Variants in CPNE8 observed in about 807,000 individuals in gnomAD.
CPNE8 encodes copine-8.
In CPNE8, 45 loss-of-function variants were observed where a neutral mutation model predicts 81.5. The observed-to-expected ratio is 0.55, with a 90% CI of 0.44 to 0.71. CPNE8 has a LOEUF of 0.71. Ranked by LOEUF, CPNE8 falls within the 30% of genes least tolerant of loss-of-function variation. The pLI is 0.00. For missense variants in CPNE8, 594 were observed against 672.1 expected (o/e 0.88, Z 1.28); for synonymous variants, 252 against 226.3 (o/e 1.11, Z -1.02).
At chr12:38,817,611 A>ATTATT (rs1356590813) in intron 6 of CPNE8, among the ~76,000 whole-genome samples, 1 of 94,084 alleles carries the variant, frequency 1.1e-5, no homozygotes, top group African/African-American at 3.6e-5. Context: ...ACATTAATTT[A>ATTATT]TTCTTTTTTT....
intron 13 of CPNE8, among the ~76,000 whole-genome samples, chr12:38,704,105 A>G (rs1940024701): frequency 6.6e-6 from 1 of 152,086 alleles, no homozygotes; most frequent in Admixed American, 6.6e-5. Context: ...ACTAGAGGAG[A>G]GATGGAAGAA....
chr12:38,694,398 A>G (rs925064341), intron 14 of CPNE8, among the ~76,000 whole-genome samples: 2 of 152,354 alleles, frequency 1.3e-5, no homozygotes, highest in Non-Finnish European at 2.9e-5. Flanking sequence ...ACATTAAGCT[A>G]GGAGCCAGAG....
intron 6 of CPNE8, among the ~76,000 whole-genome samples, chr12:38,797,269 C>G (rs1238607902): frequency 6.6e-6 from 1 of 152,126 alleles, no homozygotes; most frequent in Admixed American, 6.5e-5. Flanking sequence ...GACCCCTGAC[C>G]CCCGAGCAGC....
rs547547868 is a variant in CPNE8 at position 38,773,540 on chromosome 12, C to A, written c.471+2698G>T. 1.7e-4 allele frequency among the ~76,000 whole-genome samples: 26 copies of A among 152,124 alleles called. 1 individual carries two copies. The South Asian group carries it at 5.4e-3, about 32-fold the overall frequency. On this transcript the variant is annotated intron_variant, in intron 7 of 19. Transcript: ENST00000331366. ...ACAAATGCATAACTTAAAGCTTCAA[C>A]AATATAACCTCACTCGGCTAAATAG...
intron 17 of CPNE8, 72 bp from the exon 18 acceptor site, chr12:38,675,846 A>G: frequency 1.0e-6 from 1 of 974,618 alleles, no homozygotes; most frequent in Non-Finnish European, 1.6e-6. Context: ...AAGGCCAGGC[A>G]TGATATCTCA....
chr12:38,675,678 T>C (rs772812928), intron 18 of CPNE8, 39 bp downstream of exon 18: 2 of 1,272,638 alleles, frequency 1.6e-6, no homozygotes, highest in South Asian at 1.2e-5. Flanking sequence ...TTAGATTAAA[T>C]GAACTCCCAA....
At chr12:38,767,486 A>G (rs1341881547) in intron 8 of CPNE8, 149 bp downstream of exon 8, 2 of 482,052 alleles carry the variant, frequency 4.1e-6, no homozygotes, top group Non-Finnish European at 7.1e-6. Context: ...AAGTTGCACA[A>G]TATTTTGAGA....
intron 1 of CPNE8, among the ~76,000 whole-genome samples, chr12:38,889,185 T>C (rs1944276058): frequency 6.6e-6 from 1 of 151,822 alleles, no homozygotes; most frequent in Admixed American, 6.6e-5. Flanking sequence ...CTCCAGGCCC[T>C]AGATTATTTA....
At chr12:38,683,209 T>TA (rs1225142658) in intron 16 of CPNE8, among the ~76,000 whole-genome samples, 1 of 152,134 alleles carries the variant, frequency 6.6e-6, no homozygotes. Context: ...AAGCATTCTT[T>TA]AAAATGCTTC....
rs527550199 is a variant in CPNE8, at chr12:38,846,576, A to G, written c.290+1983T>C. Among the ~76,000 whole-genome samples, 4 of 152,188 alleles carry G rather than the reference A, an allele frequency of 2.6e-5. No homozygotes were observed. The East Asian group carries it at 7.7e-4, about 29-fold the overall frequency. The stretch of plus-strand genomic sequence containing the variant: ...AGCAACTGGCCTTGTGGAAAATTCA[A>G]TTCTTGGAACAGGTGCTATAAGTGC... On this transcript the variant is annotated intron_variant, in intron 4 of 19. Coordinates refer to ENST00000331366, the MANE Select transcript of CPNE8 (RefSeq NM_153634.3).
chr12:38,656,285 G>A (rs1031287135), intron 19 of CPNE8, among the ~76,000 whole-genome samples: 3 of 148,814 alleles, frequency 2.0e-5, no homozygotes, highest in South Asian at 2.1e-4. Context: ...ATTTAGTAAT[G>A]TTGGTATGGT....
At chr12:38,795,536 C>T (rs569178190) in intron 6 of CPNE8, among the ~76,000 whole-genome samples, 8 of 152,162 alleles carry the variant, frequency 5.3e-5, no homozygotes, top group South Asian at 4.1e-4. Flanking sequence ...TGGAATGTTA[C>T]GCAGTCTTTA....
At chr12:38,863,706 A>T (rs1433915773) in intron 3 of CPNE8, among the ~76,000 whole-genome samples, 1 of 152,208 alleles carries the variant, frequency 6.6e-6, no homozygotes, top group East Asian at 1.9e-4. Flanking sequence ...TCATATAATT[A>T]TCTGAATAAA....
intron 3 of CPNE8, among the ~76,000 whole-genome samples, chr12:38,859,310 C>A (rs1473986811): frequency 1.3e-5 from 2 of 151,764 alleles, no homozygotes; most frequent in African/African-American, 2.4e-5. Flanking sequence ...AATGAACCAT[C>A]AAAAAAGAAA....
At chr12:38,789,964 G>A (rs537977701) in intron 6 of CPNE8, among the ~76,000 whole-genome samples, 1 of 151,656 alleles carries the variant, frequency 6.6e-6, no homozygotes, top group African/African-American at 2.4e-5. Flanking sequence ...GCAAGAATGT[G>A]AAGAAAAATA....
intron 1 of CPNE8, among the ~76,000 whole-genome samples, chr12:38,898,300 G>C (rs1355954063): frequency 6.6e-6 from 1 of 151,922 alleles, no homozygotes; most frequent in African/African-American, 2.4e-5. Flanking sequence ...GTTAAGTAAG[G>C]TATTTCTCTG....
Position 38,797,326 on chromosome 12 carries a change from G to A in CPNE8, c.408-21025C>T, listed in dbSNP as rs576679513. On this transcript the variant is annotated intron_variant, in intron 6 of 19. Coordinates refer to ENST00000331366, the MANE Select transcript of CPNE8 (RefSeq NM_153634.3). ...GTAGGGGCAGACTGACACCTCACAC[G>A]GCCAGGTACTCCTCTGAGACAAAAC... Among the ~76,000 whole-genome samples, 7 of 152,152 alleles carry A rather than the reference G, an allele frequency of 4.6e-5. No individual in the cohort carries two copies. In the South Asian group the frequency reaches 8.3e-4, roughly 18 times the overall value.
chr12:38,763,993 T>A (rs568423668), intron 8 of CPNE8, among the ~76,000 whole-genome samples: 4 of 152,222 alleles, frequency 2.6e-5, no homozygotes, highest in Non-Finnish European at 4.4e-5. Flanking sequence ...AAGGATCAAG[T>A]TTTTATTACA....
intron 1 of CPNE8, among the ~76,000 whole-genome samples, chr12:38,895,698 T>G (rs1282163554): frequency 6.6e-6 from 1 of 152,100 alleles, no homozygotes; most frequent in East Asian, 1.9e-4. Context: ...ATATCCTTTG[T>G]GGTAGAGTAG....
Sources: allele counts gnomAD v4.1 joint callset (sites outside exome capture counted in the v4.1 genomes callset), GRCh38; gene constraint gnomAD v4.1.1; transcripts MANE v1.5; gene names NCBI Gene and HGNC (gene_info 2026-07-23, HGNC 2026-07-21).